The following NCAPH2 variants were observed in gnomAD, a reference collection of about 807,000 sequenced individuals.
NCAPH2 encodes the protein non-SMC condensin II complex subunit H2.
A neutral mutation model predicts 88.6 loss-of-function variants in NCAPH2; 56 were observed. The ratio of observed to expected loss-of-function variants is 0.63; its 90% confidence interval spans 0.51 to 0.79. NCAPH2 has a LOEUF of 0.79. NCAPH2 is among the 30% of genes least tolerant of loss of function. The pLI is 0.00. For synonymous variants in NCAPH2, 378 were observed against 313.6 expected, an observed-to-expected ratio of 1.21 and a Z score of -2.17; for missense variants, 794 against 792.0, an observed-to-expected ratio of 1.00 and a Z score of -0.03.
At position 50,508,324 on chromosome 22, in the gene NCAPH2, G is replaced by A. The variant is rs1216343158; in HGVS notation, c.-14G>A. The stretch of plus-strand genomic sequence containing the variant: ...CAGCCCTGCGGTCCCTTTGCCGCCC[G>A]TTCCCTCCCGGACATGGAGGACGTG... On this transcript the variant is annotated 5_prime_UTR_variant, in exon 1 of 20. Transcript: ENST00000420993. The A allele has an allele frequency of 4.7e-6, 7 of 1,478,544 alleles. No homozygotes were observed. The highest frequency in any genetic ancestry group is 6.3e-6 in the Non-Finnish European group (7 of 1,118,266). The allele number at this position is 1,478,544 out of a possible 1,614,324, so 91.6% of individuals were successfully genotyped here.
In NCAPH2 at chr22:50,524,210, C is replaced by T. The variant is rs1007416904; in HGVS notation, c.*835C>T. On this transcript the variant is annotated 3_prime_UTR_variant, in exon 20 of 20. Coordinates refer to ENST00000420993, the MANE Select transcript of NCAPH2 (RefSeq NM_152299.4). ...AGCCAGGCCCCACCGAGTCCAGCCC[C>T]GAACAGGCCTGTGATCAGCAGCCGG... 24 of 1,608,422 alleles carry T rather than the reference C, an allele frequency of 1.5e-5. No individual in the cohort carries two copies. The Middle Eastern group carries it at 5.0e-4, about 33-fold the overall frequency.
At chr22:50,508,677 C>T (rs2068696911) in intron 1 of NCAPH2, among the ~76,000 whole-genome samples, 1 of 152,176 alleles carries the variant, frequency 6.6e-6, no homozygotes, top group Non-Finnish European at 1.5e-5. Flanking sequence ...TACCCGTCAG[C>T]GAGCCGTGAA....
intron 1 of NCAPH2, among the ~76,000 whole-genome samples, chr22:50,515,187 G>A (rs955812184): frequency 1.3e-5 from 2 of 152,202 alleles, no homozygotes; most frequent in African/African-American, 2.4e-5. Flanking sequence ...AAGAGTTTGC[G>A]TGGGGACAGC....
At position 50,520,966 on chromosome 22, in the gene NCAPH2, GTGC is replaced by G; in HGVS notation, c.867_869del (p.Ala290del). 1 of 1,551,012 alleles carries G rather than the reference GTGC, an allele frequency of 6.4e-7. No homozygotes were observed. The highest frequency in any genetic ancestry group is 8.7e-7 in the Non-Finnish European group (1 of 1,146,956). ...GGGACCCTGTGACTGTCTTTGCAGA[GTGC>G]TGCCCTGCCCAGGAGGTACATGCTG... On this transcript the variant is annotated inframe_deletion and splice_region_variant, in exon 10 of 20. Coordinates refer to ENST00000420993, the MANE Select transcript of NCAPH2 (RefSeq NM_152299.4).
In NCAPH2 at chr22:50,517,493, C is replaced by T. The variant is rs773949592; in HGVS notation, c.266+11C>T. On this transcript the variant is annotated intron_variant, in intron 3 of 19. Coordinates refer to ENST00000420993, the MANE Select transcript of NCAPH2 (RefSeq NM_152299.4). Reference sequence around the variant, plus strand: ...CATCTCTGGAAAGAGGTGAGTTCTGCAGCCACTCACTGTGCTGCCCTGCAT... The same window carrying T: ...CATCTCTGGAAAGAGGTGAGTTCTGTAGCCACTCACTGTGCTGCCCTGCAT... The T allele has an allele frequency of 1.4e-5, 22 of 1,613,918 alleles. No homozygotes were observed. In the East Asian group the frequency reaches 4.9e-4, roughly 36 times the overall value.
rs139403039 is a variant in NCAPH2 at position 50,518,246 on chromosome 22, C to T, written c.614C>T (p.Ala205Val). Reference protein sequence around the residue: ...EPEGMSPMEPAGVSPMPGTQK... With the variant: ...EPEGMSPMEPVGVSPMPGTQK... ...GAGGGCATGTCCCCCATGGAACCAG[C>T]GGGCGTTTCCCCCATGCCAGGGACC... Residue 205 changes from alanine to valine, a missense_variant, in exon 7 of 20, where the codon GCG (alanine) becomes GTG (valine). Physicochemically the swap from Ala to Val is moderately conservative, Grantham distance 64. Around this residue, in one of 2 missense-constraint regions of NCAPH2, gnomAD observed 735 missense variants for 696.3 expected, o/e 1.06. Transcript: ENST00000420993. The T allele has an allele frequency of 4.0e-5, 65 of 1,613,688 alleles. No individual in the cohort carries two copies. Among genetic ancestry groups the T allele is most frequent in the African/African-American group, 2.0e-4 (15 of 75,042 alleles).
chr22:50,516,587 C>T lies in NCAPH2; in HGVS notation c.210+39C>T, dbSNP rs770012065. 10 of 1,581,034 alleles carry T rather than the reference C, an allele frequency of 6.3e-6. No individual in the cohort carries two copies. In the African/African-American group the frequency reaches 1.1e-4, roughly 17 times the overall value. On this transcript the variant is annotated intron_variant, in intron 2 of 19. Coordinates refer to ENST00000420993, the MANE Select transcript of NCAPH2 (RefSeq NM_152299.4). ...GACGCTGGTCTTGGCATTTTGGTGG[C>T]CAGTGGGACCACAGTCGGCTCTCCT...
chr22:50,521,701 A>C (rs1257842533), intron 11 of NCAPH2, 40 bp from the exon 12 acceptor site: 2 of 1,612,508 alleles, frequency 1.2e-6, no homozygotes, highest in Non-Finnish European at 8.5e-7. Context: ...TTGCACCCTG[A>C]TCCCCCAGCG....
At chr22:50,517,336 A>C (rs1259258341) in intron 2 of NCAPH2, 91 bp from the exon 3 acceptor site, 5 of 1,356,490 alleles carry the variant, frequency 3.7e-6, no homozygotes, top group Non-Finnish European at 5.3e-6. Flanking sequence ...GGTGGTGGCC[A>C]GGCCTCGTGG....
In NCAPH2 at chr22:50,518,629, C is replaced by CTGATCCCTG; in HGVS notation, c.647-18_647-10dup. On this transcript the variant is annotated intron_variant, in intron 7 of 19. Transcript: ENST00000420993. The stretch of plus-strand genomic sequence containing the variant: ...TGGAGAGGGGCTGGGCTGACCTTGT[C>CTGATCCCTG]TGATCCCTGTCTCTCCCAGACACCG... The CTGATCCCTG allele has an allele frequency of 6.3e-7, 1 of 1,589,782 alleles. No individual in the cohort carries two copies. Among genetic ancestry groups the CTGATCCCTG allele is most frequent in the South Asian group, 1.1e-5 (1 of 87,344 alleles).
chr22:50,515,936 G>C (rs537017482), intron 1 of NCAPH2, among the ~76,000 whole-genome samples: 1 of 152,084 alleles, frequency 6.6e-6, no homozygotes, highest in African/African-American at 2.4e-5. Context: ...TGTGCATGGC[G>C]GGGGGTGGAG....
At chr22:50,515,424 T>C (rs1217020486) in intron 1 of NCAPH2, among the ~76,000 whole-genome samples, 1 of 151,738 alleles carries the variant, frequency 6.6e-6, no homozygotes, top group Non-Finnish European at 1.5e-5. Flanking sequence ...TGAGACGGAG[T>C]CTCGCTCTGT....
Position 50,523,244 on chromosome 22 carries a change from T to A in NCAPH2, c.1687T>A (p.Tyr563Asn), listed in dbSNP as rs1366462940. Residue 563 changes from tyrosine (Y) to asparagine (N), a missense_variant, in exon 20 of 20, where the codon TAC becomes AAC. Coordinates refer to ENST00000420993, the MANE Select transcript of NCAPH2 (RefSeq NM_152299.4). ...MLASLQLANDYTVEITQQPGL... is the reference protein window; with the variant it reads ...MLASLQLANDNTVEITQQPGL... ...TGTGCCACCCCTGCAGGCCAATGAC[T>A]ACACAGTGGAGATAACCCAGCAGCC... 3 of 1,612,906 alleles carry A rather than the reference T, an allele frequency of 1.9e-6. No individual in the cohort carries two copies. The highest frequency in any genetic ancestry group is 2.5e-6 in the Non-Finnish European group (3 of 1,179,702).
In NCAPH2 at chr22:50,522,936, G is replaced by C; in HGVS notation, c.1527+14G>C. ...CTCCAGGAGCAGGTGAGGCGGGGCC[G>C]CTGGGAACCAGAGCTGTGTGCCACG... On this transcript the variant is annotated intron_variant, in intron 18 of 19. Coordinates refer to ENST00000420993, the MANE Select transcript of NCAPH2 (RefSeq NM_152299.4). The C allele has an allele frequency of 6.2e-7, 1 of 1,612,188 alleles. No individual in the cohort carries two copies. The highest frequency in any genetic ancestry group is 8.5e-7 in the Non-Finnish European group (1 of 1,179,772).
In NCAPH2 at chr22:50,522,191, C is replaced by T. The variant is rs2069123771; in HGVS notation, c.1173C>T (p.Val391=). 2 of 1,613,670 alleles carry T rather than the reference C, an allele frequency of 1.2e-6. No homozygotes were observed. The highest frequency in any genetic ancestry group is 2.2e-5 in the East Asian group (1 of 44,884). ...GGCCTTTGTCTGCAGACATGGAGGT[C>T]CTGTACTGGACACACGTGAAGGAGC... ...RKGPSFADME[V]LYWTHVKEQL... The change falls in exon 14 of 20, where the codon GTC becomes GTT. Residue 391 remains valine, a synonymous_variant. Transcript: ENST00000420993.
rs765737574 is a variant in NCAPH2 at position 50,517,560 on chromosome 22, A to T, written c.267-17A>T. On this transcript the variant is annotated splice_polypyrimidine_tract_variant and intron_variant, in intron 3 of 19. Transcript: ENST00000420993. Reference sequence around the variant, plus strand: ...CTGCAGCTCCTGGGATGCCCACGGGATGTGCTTCTCTCTCAGGCGGGCCAA... The same window carrying T: ...CTGCAGCTCCTGGGATGCCCACGGGTTGTGCTTCTCTCTCAGGCGGGCCAA... The T allele has an allele frequency of 3.7e-6, 6 of 1,613,922 alleles. No individual in the cohort carries two copies. In the South Asian group the frequency reaches 6.6e-5, roughly 18 times the overall value.
intron 1 of NCAPH2, among the ~76,000 whole-genome samples, chr22:50,514,412 C>A (rs1442999023): frequency 6.6e-6 from 1 of 151,570 alleles, no homozygotes. Context: ...GGTTTCTGGG[C>A]AGGTGGGTTG....
At chr22:50,519,794 T>G in intron 9 of NCAPH2, 4 of 956,148 alleles carry the variant, frequency 4.2e-6, no homozygotes, top group Non-Finnish European at 5.0e-6. Context: ...CTCTAGTTGG[T>G]AGATGGCATG....
chr22:50,522,915 A>G lies in NCAPH2; in HGVS notation c.1520A>G (p.Gln507Arg). 6.2e-7 allele frequency: 1 copy of G among 1,613,236 alleles called. No homozygotes were observed. Among genetic ancestry groups the G allele is most frequent in the Non-Finnish European group, 8.5e-7 (1 of 1,179,978 alleles). ...GAGGACACAGTGCAGCCTCTGCTCCAGGAGCAGGTGAGGCGGGGCCGCTGG... is the reference window on the plus strand; with the variant it reads ...GAGGACACAGTGCAGCCTCTGCTCCGGGAGCAGGTGAGGCGGGGCCGCTGG... ...DWEDTVQPLLQEQEQHVPFDI... is the reference protein window; with the variant it reads ...DWEDTVQPLLREQEQHVPFDI... The change falls in exon 18 of 20, where the codon CAG becomes CGG. Residue 507 changes from glutamine to arginine, a missense_variant. Coordinates refer to ENST00000420993, the MANE Select transcript of NCAPH2 (RefSeq NM_152299.4).
Sources: gnomAD v4.1 joint callset for allele counts (sites outside exome capture counted in the v4.1 genomes callset) on GRCh38, gnomAD v4.1.1 for gene constraint, gnomAD v4.1.1 regional missense constraint, MANE v1.5 for transcripts, NCBI Gene and HGNC (gene_info 2026-07-23, HGNC 2026-07-21) for gene names.